Variants in WDHD1 observed in about 807,000 individuals in gnomAD.
WDHD1 encodes WD repeat and HMG-box DNA-binding protein 1.
Under a neutral mutation model 135.4 loss-of-function variants are expected in WDHD1, and 111 were observed. That is an observed-to-expected ratio of 0.82 (90% confidence interval 0.70 to 0.96). The LOEUF (loss-of-function observed/expected upper bound fraction) is 0.96. Ranked by LOEUF, WDHD1 falls within the 40% of genes least tolerant of loss-of-function variation. WDHD1 has a pLI of 0.00. For missense variants in WDHD1, 1,351 were observed against 1,336.3 expected (o/e 1.01, Z -0.17); for synonymous variants, 434 against 439.0 (o/e 0.99, Z 0.14).
In WDHD1 at chr14:55,024,407, G is replaced by A. The variant is rs114290050; in HGVS notation, c.77+2304C>T. 8.7e-3 allele frequency among the ~76,000 whole-genome samples: 1,332 copies of A among 152,282 alleles called. 17 individuals carry two copies. The highest frequency in any genetic ancestry group is 0.048 in the Middle Eastern group (14 of 294). On this transcript the variant is annotated intron_variant, in intron 2 of 25. Coordinates refer to ENST00000360586, the MANE Select transcript of WDHD1 (RefSeq NM_007086.4). ...AACCGTAACATTCAGAAATGTAGAC[G>A]TTATCCCTGTTGCCTCTTTCTCCAT...
At position 54,988,991 on chromosome 14, in the gene WDHD1, A is replaced by T. The variant is rs957055277; in HGVS notation, c.1526+37T>A. The T allele has an allele frequency of 1.9e-6, 3 of 1,573,488 alleles. No individual in the cohort carries two copies. In the Admixed American group the frequency reaches 5.3e-5, roughly 28 times the overall value. On this transcript the variant is annotated intron_variant, in intron 13 of 25. Coordinates refer to ENST00000360586, the MANE Select transcript of WDHD1 (RefSeq NM_007086.4). ...TTTCAACAACTGTATCTAACAGTTC[A>T]ACAGTGCCAAATTCTTCCTAATAAT...
chr14:54,992,198 A>C (rs1214699218), intron 11 of WDHD1, among the ~76,000 whole-genome samples: 1 of 140,074 alleles, frequency 7.1e-6, no homozygotes, highest in African/African-American at 3.1e-5. Context: ...ACTCCGTCTC[A>C]AAAAAAAAAG....
At chr14:54,962,362 G>C in intron 21 of WDHD1, 136 bp downstream of exon 21, 1 of 714,318 alleles carries the variant, frequency 1.4e-6, no homozygotes, top group Non-Finnish European at 2.5e-6. Flanking sequence ...CAACATCTGA[G>C]ATTAAAAAAA....
At chr14:54,955,358 A>G (rs1288481358) in intron 24 of WDHD1, among the ~76,000 whole-genome samples, 1 of 152,196 alleles carries the variant, frequency 6.6e-6, no homozygotes, top group African/African-American at 2.4e-5. Flanking sequence ...AAAATATACA[A>G]TTTATTAAAG....
chr14:55,016,432 T>C (rs2042262930), intron 2 of WDHD1, among the ~76,000 whole-genome samples: 1 of 152,248 alleles, frequency 6.6e-6, no homozygotes, highest in Non-Finnish European at 1.5e-5. Context: ...ACAGTCATAC[T>C]ATAGTGATAA....
At chr14:54,956,952 CCTATAT>C in intron 23 of WDHD1, 76 bp downstream of exon 23, 1 of 1,500,774 alleles carries the variant, frequency 6.7e-7, no homozygotes, top group Non-Finnish European at 9.0e-7. Context: ...AACCTCCTAT[CCTATAT>C]CTGAAACAGT....
intron 3 of WDHD1, among the ~76,000 whole-genome samples, chr14:55,011,224 A>C (rs2140224599): frequency 6.6e-6 from 1 of 152,288 alleles, no homozygotes; most frequent in African/African-American, 2.4e-5. Context: ...TGAACAGAAA[A>C]AAATGACAAT....
intron 2 of WDHD1, among the ~76,000 whole-genome samples, chr14:55,024,574 G>A (rs1195502490): frequency 6.6e-6 from 1 of 152,124 alleles, no homozygotes; most frequent in Non-Finnish European, 1.5e-5. Flanking sequence ...AGAGAGATCA[G>A]ATTGTTACTG....
chr14:55,003,584 G>A lies in WDHD1; in HGVS notation c.601-1399C>T, dbSNP rs186239055. Among the ~76,000 whole-genome samples the A allele has an allele frequency of 3.3e-3, 344 of 103,364 alleles. 5 individuals carry two copies. Among genetic ancestry groups the A allele is most frequent in the Middle Eastern group, 0.012 (3 of 256 alleles). The allele number at this position is 103,364 out of a possible 152,430, so 67.8% of individuals were successfully genotyped here. A position where few individuals can be genotyped will look rare whatever the true frequency, so the allele number is the denominator to read the frequency against. ...ATATGTATAAAAAAGAAAGAAAAAC[G>A]AACTATATATATATAGTTGCCCAGG... is the stretch of plus-strand genomic sequence containing the variant. On this transcript the variant is annotated intron_variant, in intron 7 of 25. Coordinates refer to ENST00000360586, the MANE Select transcript of WDHD1 (RefSeq NM_007086.4).
intron 16 of WDHD1, among the ~76,000 whole-genome samples, chr14:54,976,804 C>A (rs1471682088): frequency 6.6e-6 from 1 of 151,846 alleles, no homozygotes; most frequent in Non-Finnish European, 1.5e-5. Flanking sequence ...GAAAAATATT[C>A]TTATTCAAGT....
intron 7 of WDHD1, among the ~76,000 whole-genome samples, chr14:55,003,959 T>C (rs1379750134): frequency 1.3e-5 from 2 of 152,226 alleles, no homozygotes; most frequent in African/African-American, 4.8e-5. Flanking sequence ...TTGCACACTA[T>C]GGAAATTAGC....
rs1223474971 is a variant in WDHD1 at position 54,939,672 on chromosome 14, T to C, written c.*1818A>G. 6.6e-6 allele frequency: 1 copy of C among 151,860 alleles called. No individual in the cohort carries two copies. Among genetic ancestry groups the C allele is most frequent in the Non-Finnish European group, 1.5e-5 (1 of 67,976 alleles). The allele number at this position is 151,860 out of a possible 1,614,324, so 9.4% of individuals were successfully genotyped here. ...ATAATGTTTCTTGGTTTCAAAGTTC[T>C]GATTTGTAAGTTAAACCAAGTCAAT... On this transcript the variant is annotated 3_prime_UTR_variant, in exon 26 of 26. Coordinates refer to ENST00000360586, the MANE Select transcript of WDHD1 (RefSeq NM_007086.4).
chr14:55,022,611 G>A (rs1335472308), intron 2 of WDHD1, among the ~76,000 whole-genome samples: 13 of 151,908 alleles, frequency 8.6e-5, no homozygotes, highest in African/African-American at 4.8e-5. Flanking sequence ...GAACCCAGGA[G>A]GCGGAGGTTG....
chr14:54,966,231 G>A (rs8021303), intron 18 of WDHD1, among the ~76,000 whole-genome samples: 73,004 of 148,552 alleles, frequency 0.49, 19,365 homozygotes, highest in African/African-American at 0.68. Context: ...CTAGCTACTC[G>A]GGAGGCTGAG....
chr14:55,011,792 C>T (rs982208254), intron 3 of WDHD1, among the ~76,000 whole-genome samples: 1 of 151,708 alleles, frequency 6.6e-6, no homozygotes, highest in Non-Finnish European at 1.5e-5. Context: ...AATAGATACC[C>T]TACTTTTATA....
At chr14:55,000,269 G>C (rs187940695) in intron 10 of WDHD1, among the ~76,000 whole-genome samples, 1 of 152,024 alleles carries the variant, frequency 6.6e-6, no homozygotes, top group Non-Finnish European at 1.5e-5. Flanking sequence ...TTTAATGAAA[G>C]GTATTCCTTG....
At chr14:55,026,674 A>G (rs760653685) in intron 2 of WDHD1, 37 bp downstream of exon 2, 31 of 1,599,966 alleles carry the variant, frequency 1.9e-5, no homozygotes, top group Middle Eastern at 1.7e-4. Context: ...ATGTTTTAAC[A>G]TTTGCACCTA....
intron 16 of WDHD1, among the ~76,000 whole-genome samples, chr14:54,974,484 T>A (rs1422506710): frequency 8.4e-6 from 1 of 118,944 alleles, no homozygotes; most frequent in Non-Finnish European, 1.7e-5. Context: ...ACAAAACCTG[T>A]TTTGTTTTGT....
At chr14:54,946,151 T>C (rs7146285) in intron 24 of WDHD1, among the ~76,000 whole-genome samples, 63,773 of 152,100 alleles carry the variant, frequency 0.42, 15,146 homozygotes, top group African/African-American at 0.65. Context: ...ACAAGTCTAC[T>C]TAGTGGCCTG....
Sources: gnomAD v4.1 joint callset for allele counts (sites outside exome capture counted in the v4.1 genomes callset) on GRCh38, gnomAD v4.1.1 for gene constraint, MANE v1.5 for transcripts, NCBI Gene and HGNC (gene_info 2026-07-23, HGNC 2026-07-21) for gene names.